NUDT2: variants seen among roughly 807,000 people sequenced by gnomAD.
NUDT2 encodes bis(5'-nucleosyl)-tetraphosphatase [asymmetrical].
NUDT2 carries 12 observed loss-of-function variants against 14.2 expected under a neutral mutation model. The observed-to-expected ratio is 0.84, with a 90% CI of 0.54 to 1.37. The LOEUF is 1.37. NUDT2 is among the 40% of genes most tolerant of loss of function. The probability of loss-of-function intolerance (pLI) is 0.00; values close to 1 mark genes in which losing one functional copy is unlikely to be tolerated. For missense variants in NUDT2, 167 were observed against 176.7 expected (o/e 0.95, Z 0.31); for synonymous variants, 67 against 67.4 (o/e 0.99, Z 0.03).
intron 3 of NUDT2, 59 bp downstream of exon 3, chr9:34,338,906 G>A: frequency 1.2e-6 from 1 of 807,758 alleles, no homozygotes; most frequent in Non-Finnish European, 1.9e-6. Flanking sequence ...CTTTTTCTGT[G>A]GGCTATGAGA....
In NUDT2 at chr9:34,343,305, G is replaced by A; in HGVS notation, c.309G>A (p.Val103=). ...YWLAEVKDYD[V]EIRLSHEHQA... ...TGGCGGAGGTGAAGGACTATGACGT[G>A]GAGATCCGCCTCTCCCATGAGCACC... Residue 103 remains valine, a synonymous_variant, in exon 5 of 5, where the codon GTG becomes GTA. Transcript: ENST00000379158. The A allele has an allele frequency of 1.9e-6, 3 of 1,611,908 alleles. No individual in the cohort carries two copies. Among genetic ancestry groups the A allele is most frequent in the South Asian group, 1.1e-5 (1 of 91,068 alleles).
In NUDT2 at chr9:34,343,350, G is replaced by A. The variant is rs1476352810; in HGVS notation, c.354G>A (p.Gly118=). ...AGCACCAAGCCTACCGCTGGCTGGG[G>A]CTGGAGGAGGCCTGCCAGTTGGCTC... The part of the protein sequence containing the change: ...SHEHQAYRWL[G]LEEACQLAQF... The change falls in exon 5 of 5, where the codon GGG becomes GGA. Residue 118 remains glycine (G), a synonymous_variant. Transcript: ENST00000379158. The A allele has an allele frequency of 6.2e-7, 1 of 1,614,146 alleles. No individual in the cohort carries two copies. The highest frequency in any genetic ancestry group is 8.5e-7 in the Non-Finnish European group (1 of 1,180,012).
intron 1 of NUDT2, among the ~76,000 whole-genome samples, chr9:34,333,416 C>T (rs2131853577): frequency 6.6e-6 from 1 of 152,042 alleles, no homozygotes; most frequent in East Asian, 1.9e-4. Context: ...CACTTAAGGC[C>T]AGGAGTTCAA....
chr9:34,338,027 A>G lies in NUDT2; in HGVS notation c.-151-686A>G, dbSNP rs144910978. 3.9e-3 allele frequency among the ~76,000 whole-genome samples: 587 copies of G among 151,622 alleles called. 3 individuals are homozygous for G. The highest frequency in any genetic ancestry group is 0.013 in the African/African-American group (545 of 41,326). ...CCCGGCTAATTTTTGTATTTTTAGT[A>G]GAGACAGGGTTTCACCATGTTGGCC... On this transcript the variant is annotated intron_variant, in intron 2 of 4. Transcript: ENST00000379158.
intron 4 of NUDT2, among the ~76,000 whole-genome samples, chr9:34,340,136 A>C (rs559949827): frequency 2.2e-4 from 34 of 152,150 alleles, no homozygotes; most frequent in Middle Eastern, 6.8e-3. Flanking sequence ...GGGTTTCACC[A>C]TGTTGGCCAG....
chr9:34,329,591 C>G lies in NUDT2; in HGVS notation c.-273C>G, dbSNP rs1338723409. On this transcript the variant is annotated 5_prime_UTR_variant, in exon 1 of 5. Transcript: ENST00000379158. Reference sequence around the variant, plus strand: ...TCCAAGGTCCGCCTCCTACCTCCTTCTGCTTCGGGTGAGTACCCTTAAGGG... The same window carrying G: ...TCCAAGGTCCGCCTCCTACCTCCTTGTGCTTCGGGTGAGTACCCTTAAGGG... 2 of 152,310 alleles carry G rather than the reference C, an allele frequency of 1.3e-5. No homozygotes were observed. Among genetic ancestry groups the G allele is most frequent in the Non-Finnish European group, 2.9e-5 (2 of 68,132 alleles). The allele number at this position is 152,310 out of a possible 1,614,324, so 9.4% of individuals were successfully genotyped here.
chr9:34,337,075 C>T (rs922517845), intron 2 of NUDT2, among the ~76,000 whole-genome samples: 1 of 149,370 alleles, frequency 6.7e-6, no homozygotes, highest in Non-Finnish European at 1.5e-5. Flanking sequence ...TCTCGGCTCA[C>T]CACAACCTCC....
At chr9:34,341,343 G>A (rs1820180398) in intron 4 of NUDT2, among the ~76,000 whole-genome samples, 4 of 152,184 alleles carry the variant, frequency 2.6e-5, no homozygotes, top group African/African-American at 9.7e-5. Context: ...AGGGGAGGTA[G>A]GACGTCCTGA....
intron 1 of NUDT2, among the ~76,000 whole-genome samples, chr9:34,331,901 T>G (rs773866064): frequency 2.0e-5 from 3 of 152,158 alleles, no homozygotes; most frequent in Non-Finnish European, 4.4e-5. Context: ...ATGAAACATC[T>G]CTCTGTCCCT....
intron 4 of NUDT2, among the ~76,000 whole-genome samples, chr9:34,340,600 G>C (rs1820162200): frequency 6.6e-6 from 1 of 152,218 alleles, no homozygotes; most frequent in Non-Finnish European, 1.5e-5. Flanking sequence ...TTGTAAGCTG[G>C]CCAGTTTTCA....
Position 34,339,166 on chromosome 9 carries a change from G to T in NUDT2, c.127G>T (p.Gly43Cys), listed in dbSNP as rs1263324062. 6.2e-7 allele frequency: 1 copy of T among 1,612,520 alleles called. No homozygotes were observed. The highest frequency in any genetic ancestry group is 8.5e-7 in the Non-Finnish European group (1 of 1,178,832). The change falls in exon 4 of 5, where the codon GGC (glycine) becomes TGC (cysteine). Residue 43 changes from glycine to cysteine, a missense_variant and splice_region_variant. Gly to Cys is a radical substitution (Grantham distance 159). Coordinates refer to ENST00000379158, the MANE Select transcript of NUDT2 (RefSeq NM_001161.5). ...DGIHHWTPPK[G>C]HVEPGEDDLE... Reference sequence around the variant, plus strand: ...CATTCATCACTGGACTCCTCCCAAAGGTAGAGGCCAGAGGGGCCAGCTCTT... The same window carrying T: ...CATTCATCACTGGACTCCTCCCAAATGTAGAGGCCAGAGGGGCCAGCTCTT...
At chr9:34,338,903 T>C in intron 3 of NUDT2, 56 bp downstream of exon 3, 1 of 790,804 alleles carries the variant, frequency 1.3e-6, no homozygotes, top group Non-Finnish European at 2.0e-6. Context: ...TGCCTTTTTC[T>C]GTGGGCTATG....
intron 1 of NUDT2, among the ~76,000 whole-genome samples, chr9:34,330,965 A>G (rs1217601073): frequency 6.6e-6 from 1 of 151,672 alleles, no homozygotes; most frequent in African/African-American, 2.4e-5. Context: ...CGTCTCAAAA[A>G]AAAAAAGGTA....
chr9:34,343,442 C>T lies in NUDT2; in HGVS notation c.*2C>T. 6.4e-7 allele frequency: 1 copy of T among 1,569,166 alleles called. No homozygotes were observed. The highest frequency in any genetic ancestry group is 8.6e-7 in the Non-Finnish European group (1 of 1,156,632). On this transcript the variant is annotated 3_prime_UTR_variant, in exon 5 of 5. Transcript: ENST00000379158. ...TTTCTTTGCTCCATAGAGGCCTGAG[C>T]TGACTGGAGCAGAGTCATTTGCTTC...
At position 34,338,444 on chromosome 9, in the gene NUDT2, G is replaced by A. The variant is rs142628502; in HGVS notation, c.-151-269G>A. 6.7e-4 allele frequency among the ~76,000 whole-genome samples: 100 copies of A among 149,410 alleles called. No homozygotes were observed. The East Asian group carries it at 0.018, about 28-fold the overall frequency. ...GTTTGCTTGAGCCTGGGAGGTCAAG[G>A]CTGCAGTGAGCCATGATCACACCAT... On this transcript the variant is annotated intron_variant, in intron 2 of 4. Coordinates refer to ENST00000379158, the MANE Select transcript of NUDT2 (RefSeq NM_001161.5).
At position 34,329,587 on chromosome 9, in the gene NUDT2, CCTT is replaced by C. The variant is rs1259791419; in HGVS notation, c.-274_-272del. 1 of 152,322 alleles carries C rather than the reference CCTT, an allele frequency of 6.6e-6. No individual in the cohort carries two copies. Among genetic ancestry groups the C allele is most frequent in the African/African-American group, 2.4e-5 (1 of 41,446 alleles). 9.4% of individuals were successfully genotyped at this position (152,322 alleles called of 1,614,324 possible). ...TCCGTCCAAGGTCCGCCTCCTACCT[CCTT>C]CTGCTTCGGGTGAGTACCCTTAAGG... On this transcript the variant is annotated 5_prime_UTR_variant, in exon 1 of 5. Transcript: ENST00000379158.
intron 1 of NUDT2, among the ~76,000 whole-genome samples, chr9:34,330,575 T>C (rs1469561841): frequency 6.6e-6 from 1 of 152,196 alleles, no homozygotes; most frequent in Non-Finnish European, 1.5e-5. Flanking sequence ...TTCTGAAAAA[T>C]GGCAGTAATG....
chr9:34,329,675 T>G (rs1440543756), intron 1 of NUDT2, 76 bp downstream of exon 1: 1 of 152,428 alleles, frequency 6.6e-6, no homozygotes, highest in East Asian at 1.9e-4. Flanking sequence ...GGAATCTGCC[T>G]CTGGCAAACC....
rs74180557 is a variant in NUDT2, at chr9:34,338,156, TAAAAAAAAAAAAAA to T, written c.-151-544_-151-531del. ...GGCAACATAGTAAGTCCCTGTTTCTTAAAAAAAAAAAAAAAAAAAAAAAAAAGGATAAAATAAAA... is the reference window on the plus strand; with the variant it reads ...GGCAACATAGTAAGTCCCTGTTTCTTAAAAAAAAAAAAGGATAAAATAAAA... On this transcript the variant is annotated intron_variant, in intron 2 of 4. Transcript: ENST00000379158. 8.1e-4 allele frequency among the ~76,000 whole-genome samples: 25 copies of T among 31,054 alleles called. 1 individual carries two copies. In the South Asian group the frequency reaches 0.019, roughly 23 times the overall value. 20.4% of individuals were successfully genotyped at this position (31,054 alleles called of 152,430 possible).
Sources: allele counts gnomAD v4.1 joint callset (sites outside exome capture counted in the v4.1 genomes callset), GRCh38; gene constraint gnomAD v4.1.1; transcripts MANE v1.5; gene names NCBI Gene and HGNC (gene_info 2026-07-23, HGNC 2026-07-21).